The following GLP1R variants were observed in gnomAD, a reference collection of about 807,000 sequenced individuals.
GLP1R encodes the protein glucagon-like peptide 1 receptor.
Under a neutral mutation model 68.4 loss-of-function variants are expected in GLP1R, and 32 were observed. That is an observed-to-expected ratio of 0.47 (90% CI 0.35 to 0.63). The LOEUF (loss-of-function observed/expected upper bound fraction) is 0.63, where lower values mean the gene tolerates loss of function less well. Ranked by LOEUF, GLP1R falls within the 20% of genes least tolerant of loss-of-function variation. The probability of loss-of-function intolerance (pLI) is 0.00; values close to 1 mark genes in which losing one functional copy is unlikely to be tolerated. For missense variants in GLP1R, 502 were observed against 594.9 expected (o/e 0.84, Z 1.62); for synonymous variants, 263 against 244.4 (o/e 1.08, Z -0.71).
chr6:39,073,501 C>A, intron 6 of GLP1R, 109 bp from the exon 7 acceptor site: 1 of 925,326 alleles, frequency 1.1e-6, no homozygotes, highest in Non-Finnish European at 1.7e-6. Flanking sequence ...GAGCTCTCTC[C>A]TCCTGCATTA....
chr6:39,086,848 G>C lies in GLP1R; in HGVS notation c.*775G>C, dbSNP rs1303975551. The C allele has an allele frequency of 6.6e-6, 1 of 152,636 alleles. No individual in the cohort carries two copies. Among genetic ancestry groups the C allele is most frequent in the Admixed American group, 6.5e-5 (1 of 15,280 alleles). 9.5% of individuals were successfully genotyped at this position (152,636 alleles called of 1,614,324 possible). A position where few individuals can be genotyped will look rare whatever the true frequency, so the allele number is the denominator to read the frequency against. On this transcript the variant is annotated 3_prime_UTR_variant, in exon 13 of 13. Coordinates refer to ENST00000373256, the MANE Select transcript of GLP1R (RefSeq NM_002062.5). This position sits in a 1 kb window ranked among gnomAD's most constrained non-coding sequence, Gnocchi z 4.5. ...ACCGGGGAACCCAGCCCTGGGGTAT[G>C]AGCTGCCAAGTCTATTTTAAAGACG...
rs1289215190 is a variant in GLP1R, at chr6:39,083,332, A to AAAG, written c.1225-2572_1225-2570dup. 2.0e-5 allele frequency among the ~76,000 whole-genome samples: 3 copies of AAAG among 152,324 alleles called. No individual in the cohort carries two copies. In the East Asian group the frequency reaches 5.8e-4, roughly 29 times the overall value. On this transcript the variant is annotated intron_variant, in intron 12 of 12. Coordinates refer to ENST00000373256, the MANE Select transcript of GLP1R (RefSeq NM_002062.5). Reference sequence around the variant, plus strand: ...GATACATCATTGTCACTGGGCCACAAAAGACACATGTGGCTCTGGGGCTAA... The same window carrying AAAG: ...GATACATCATTGTCACTGGGCCACAAAAGAAGACACATGTGGCTCTGGGGCTAA...
Position 39,048,829 on chromosome 6 carries a change from G to T in GLP1R, c.-12G>T. On this transcript the variant is annotated 5_prime_UTR_variant, in exon 1 of 13. It removes the in-frame stop codon of an upstream open reading frame in the 5' UTR. Coordinates refer to ENST00000373256, the MANE Select transcript of GLP1R (RefSeq NM_002062.5). The stretch of plus-strand genomic sequence containing the variant: ...CAGGTGGCAGCGATGGCCCAGTCCT[G>T]AACTCCCCGCCATGGCCGGCGCCCC... 7.1e-7 allele frequency: 1 copy of T among 1,398,840 alleles called. No homozygotes were observed. Among genetic ancestry groups the T allele is most frequent in the Non-Finnish European group, 9.6e-7 (1 of 1,037,626 alleles). The allele number at this position is 1,398,840 out of a possible 1,614,324, so 86.7% of individuals were successfully genotyped here. A position where few individuals can be genotyped will look rare whatever the true frequency, so the allele number is the denominator to read the frequency against.
chr6:39,089,962 G>A lies in GLP1R; in HGVS notation c.*3889G>A, dbSNP rs956552725. ...AAAATACAGAGGCTTACTCTGCAAAGACACCTGTGTGAATGACGTGCTAAA... is the reference window on the plus strand; with the variant it reads ...AAAATACAGAGGCTTACTCTGCAAAAACACCTGTGTGAATGACGTGCTAAA... On this transcript the variant is annotated 3_prime_UTR_variant, in exon 13 of 13. Transcript: ENST00000373256. The surrounding 1 kb of genome is among the most constrained non-coding windows in gnomAD (Gnocchi z 4.1). Among the ~76,000 whole-genome samples, 7 of 152,318 alleles carry A rather than the reference G, an allele frequency of 4.6e-5. No homozygotes were observed. Among genetic ancestry groups the A allele is most frequent in the Admixed American group, 3.3e-4 (5 of 15,298 alleles).
rs1769229654 is a variant in GLP1R, at chr6:39,089,392, A to G, written c.*3319A>G. Among the ~76,000 whole-genome samples, 1 of 152,168 alleles carries G rather than the reference A, an allele frequency of 6.6e-6. No individual in the cohort carries two copies. The highest frequency in any genetic ancestry group is 1.5e-5 in the Non-Finnish European group (1 of 68,032). ...TGAACCTCCCCTTTACCTCTTTAGAACCTCTGAATTTGGAGACAGCTAGCA... is the reference window on the plus strand; with the variant it reads ...TGAACCTCCCCTTTACCTCTTTAGAGCCTCTGAATTTGGAGACAGCTAGCA... On this transcript the variant is annotated 3_prime_UTR_variant, in exon 13 of 13. Transcript: ENST00000373256. This position sits in a 1 kb window ranked among gnomAD's most constrained non-coding sequence, Gnocchi z 4.1.
At chr6:39,065,490 G>C (rs1349543788) in intron 3 of GLP1R, among the ~76,000 whole-genome samples, 6 of 152,228 alleles carry the variant, frequency 3.9e-5, no homozygotes, top group Admixed American at 3.3e-4. Context: ...GTGGCCCCCT[G>C]TCTTGTCCCT....
rs10305419 is a variant in GLP1R, at chr6:39,048,794, C to T, written c.-47C>T. 3.6e-3 allele frequency: 3,158 copies of T among 882,108 alleles called. 13 individuals are homozygous for T. The highest frequency in any genetic ancestry group is 4.9e-3 in the Non-Finnish European group (2,761 of 568,124). The allele number at this position is 882,108 out of a possible 1,614,324, so 54.6% of individuals were successfully genotyped here. A position where few individuals can be genotyped will look rare whatever the true frequency, so the allele number is the denominator to read the frequency against. On this transcript the variant is annotated 5_prime_UTR_variant, in exon 1 of 13. It adds an upstream start codon to the 5' untranslated region. Transcript: ENST00000373256. The stretch of plus-strand genomic sequence containing the variant: ...CACCAGCCCGGGATCAGTCTCCGCA[C>T]GCGGTTCCGCAGGTGGCAGCGATGG...
rs545338441 is a variant in GLP1R, at chr6:39,062,829, C to T, written c.284-2882C>T. On this transcript the variant is annotated intron_variant, in intron 3 of 12. Transcript: ENST00000373256. ...TGGCTTCTCAGAGGCTCAGTTTCTTCATATGTACAATGGGACTAACTGTTC... is the reference window on the plus strand; with the variant it reads ...TGGCTTCTCAGAGGCTCAGTTTCTTTATATGTACAATGGGACTAACTGTTC... Among the ~76,000 whole-genome samples, 11 of 152,336 alleles carry T rather than the reference C, an allele frequency of 7.2e-5. No homozygotes were observed. The East Asian group carries it at 2.1e-3, about 29-fold the overall frequency.
chr6:39,077,028 T>G (rs1191011951), intron 7 of GLP1R, among the ~76,000 whole-genome samples: 1 of 152,184 alleles, frequency 6.6e-6, no homozygotes, highest in Non-Finnish European at 1.5e-5. Flanking sequence ...ACCAGTTGTA[T>G]TAATTCTCTA....
chr6:39,052,190 C>A (rs1768104064), intron 1 of GLP1R, among the ~76,000 whole-genome samples: 2 of 151,806 alleles, frequency 1.3e-5, no homozygotes. Context: ...TGTAGTATTC[C>A]TTTTCCTGTC....
intron 1 of GLP1R, 52 bp downstream of exon 1, chr6:39,048,970 C>A (rs1768025782): frequency 2.7e-6 from 2 of 744,132 alleles, no homozygotes; most frequent in Non-Finnish European, 4.0e-6. Context: ...GCTCTGCGGG[C>A]TGCAGGCGCA....
In GLP1R at chr6:39,048,824, G is replaced by A; in HGVS notation, c.-17G>A. 1.5e-6 allele frequency: 2 copies of A among 1,342,842 alleles called. No individual in the cohort carries two copies. The highest frequency in any genetic ancestry group is 2.0e-6 in the Non-Finnish European group (2 of 986,666). 83.2% of individuals were successfully genotyped at this position (1,342,842 alleles called of 1,614,324 possible). ...TTCCGCAGGTGGCAGCGATGGCCCA[G>A]TCCTGAACTCCCCGCCATGGCCGGC... On this transcript the variant is annotated 5_prime_UTR_variant, in exon 1 of 13. Transcript: ENST00000373256.
chr6:39,070,832 C>T (rs890345037), intron 5 of GLP1R, among the ~76,000 whole-genome samples: 2 of 151,672 alleles, frequency 1.3e-5, no homozygotes, highest in Non-Finnish European at 2.9e-5. Context: ...GATACTTATC[C>T]AGGATTTACC....
chr6:39,069,891 T>A (rs904782707), intron 5 of GLP1R, among the ~76,000 whole-genome samples: 1 of 152,138 alleles, frequency 6.6e-6, no homozygotes, highest in Admixed American at 6.5e-5. Context: ...AAATAGAAAT[T>A]TATTTCTCAT....
intron 3 of GLP1R, among the ~76,000 whole-genome samples, chr6:39,065,377 C>G (rs1439940506): frequency 6.6e-6 from 1 of 152,204 alleles, no homozygotes; most frequent in Non-Finnish European, 1.5e-5. Flanking sequence ...GGACATGGAA[C>G]TGAGCTAAAC....
chr6:39,070,812 A>G (rs897254015), intron 5 of GLP1R, among the ~76,000 whole-genome samples: 2 of 151,646 alleles, frequency 1.3e-5, no homozygotes, highest in Admixed American at 1.3e-4. Context: ...CATATTCATT[A>G]TATATTCTGG....
rs1722420818 is a variant in GLP1R at position 39,049,874 on chromosome 6, G to T, written c.78+956G>T. On this transcript the variant is annotated intron_variant, in intron 1 of 12. Transcript: ENST00000373256. This position sits in a 1 kb window ranked among gnomAD's most constrained non-coding sequence, Gnocchi z 4.5. ...TTGAGCAGAGAGGAGACATAGACTT[G>T]GGTGGCCTGTCCTGGGTCAGGAAAC... Among the ~76,000 whole-genome samples, 1 of 152,138 alleles carries T rather than the reference G, an allele frequency of 6.6e-6. No individual in the cohort carries two copies. Among genetic ancestry groups the T allele is most frequent in the South Asian group, 2.1e-4 (1 of 4,828 alleles).
intron 2 of GLP1R, among the ~76,000 whole-genome samples, chr6:39,057,049 C>CG (rs1484679737): frequency 1.3e-5 from 2 of 152,180 alleles, no homozygotes; most frequent in Non-Finnish European, 2.9e-5. Flanking sequence ...AATTATAACA[C>CG]GTGACCTAAA....
intron 12 of GLP1R, among the ~76,000 whole-genome samples, chr6:39,082,008 A>G (rs1043440455): frequency 2.0e-5 from 3 of 152,340 alleles, no homozygotes; most frequent in African/African-American, 7.2e-5. Flanking sequence ...CATTATCTCC[A>G]GATGCTCAGT....
Sources: allele counts gnomAD v4.1 joint callset (sites outside exome capture counted in the v4.1 genomes callset), GRCh38; gene constraint gnomAD v4.1.1; non-coding constraint Gnocchi (gnomAD v3.1); transcripts MANE v1.5; gene names NCBI Gene and HGNC (gene_info 2026-07-23, HGNC 2026-07-21).